Variants in SCFD2 observed in about 807,000 individuals in gnomAD.
SCFD2 encodes the protein sec1 family domain containing 2.
A neutral mutation model predicts 58.9 loss-of-function variants in SCFD2; 54 were observed. The observed-to-expected ratio is 0.92, with a 90% CI of 0.74 to 1.15. The LOEUF (loss-of-function observed/expected upper bound fraction) is 1.15. SCFD2 is among the 50% of genes most tolerant of loss of function. The pLI is 0.00. For synonymous variants in SCFD2, 321 were observed against 335.9 expected (o/e 0.96, Z 0.49); for missense variants, 805 against 836.6 (o/e 0.96, Z 0.47).
intron 7 of SCFD2, among the ~76,000 whole-genome samples, chr4:52,902,466 G>A (rs1243784973): frequency 6.6e-6 from 1 of 152,170 alleles, no homozygotes; most frequent in South Asian, 2.1e-4. Context: ...TCTTTGGGGG[G>A]CAGTGTATCT....
intron 8 of SCFD2, among the ~76,000 whole-genome samples, chr4:52,880,008 A>T (rs770579174): frequency 9.9e-5 from 15 of 152,222 alleles, no homozygotes; most frequent in Non-Finnish European, 1.5e-4. Flanking sequence ...GCACACGCAC[A>T]CATACACACA....
In SCFD2 at chr4:52,920,817, C is replaced by A; in HGVS notation, c.1615G>T (p.Glu539Ter). 1 of 1,610,834 alleles carries A rather than the reference C, an allele frequency of 6.2e-7. No homozygotes were observed. The highest frequency in any genetic ancestry group is 8.5e-7 in the Non-Finnish European group (1 of 1,177,472). ...TFHKSKIAVD[E>*]LFTSLRDIAG... ...ATATCCCGAAGTGAAGTAAAGAGTT[C>A]ATCCACGGCAATTTTGGATTTGTGA... Residue 539 changes from glutamate to a stop codon, truncating the protein, a stop_gained, in exon 6 of 9, where the codon GAA becomes TAA. Transcript: ENST00000401642. LOFTEE classifies it high-confidence loss of function.
At chr4:53,095,908 C>G (rs1476420418) in intron 5 of SCFD2, among the ~76,000 whole-genome samples, 1 of 152,054 alleles carries the variant, frequency 6.6e-6, no homozygotes, top group Non-Finnish European at 1.5e-5. Context: ...TGTGATGTTC[C>G]CCTTCCTGTG....
At chr4:53,227,037 T>C (rs559501834) in intron 4 of SCFD2, among the ~76,000 whole-genome samples, 20 of 152,324 alleles carry the variant, frequency 1.3e-4, no homozygotes, top group African/African-American at 4.6e-4. Flanking sequence ...TTTCCTGTCA[T>C]GCTGTCTTCC....
At position 53,351,180 on chromosome 4, in the gene SCFD2, T is replaced by C. The variant is rs371068761; in HGVS notation, c.1007+1418A>G. Among the ~76,000 whole-genome samples the C allele has an allele frequency of 5.3e-5, 8 of 152,364 alleles. No individual in the cohort carries two copies. The East Asian group carries it at 1.5e-3, about 29-fold the overall frequency. On this transcript the variant is annotated intron_variant, in intron 2 of 8. Coordinates refer to ENST00000401642, the MANE Select transcript of SCFD2 (RefSeq NM_152540.4). ...AACGTAAAATGCTTGGAAGTGTATCTAGCTCATCATAACTCCCAAAAAATG... is the reference window on the plus strand; with the variant it reads ...AACGTAAAATGCTTGGAAGTGTATCCAGCTCATCATAACTCCCAAAAAATG...
chr4:53,088,374 C>A (rs1403347440), intron 5 of SCFD2, among the ~76,000 whole-genome samples: 1 of 152,186 alleles, frequency 6.6e-6, no homozygotes, highest in Non-Finnish European at 1.5e-5. Context: ...TAAGCCCTGC[C>A]TGACAGAGCC....
At chr4:52,907,042 C>A (rs561749106) in intron 7 of SCFD2, among the ~76,000 whole-genome samples, 1 of 152,288 alleles carries the variant, frequency 6.6e-6, no homozygotes, top group Admixed American at 6.5e-5. Flanking sequence ...TGAGGTGATG[C>A]TAGCCATAGG....
intron 5 of SCFD2, chr4:52,948,187 T>A (rs1261262067): frequency 4.6e-6 from 1 of 216,180 alleles, no homozygotes; most frequent in Non-Finnish European, 9.4e-6. Context: ...TTAAACGAGA[T>A]AAAGGCTATT....
At chr4:53,084,704 G>A (rs111436028) in intron 5 of SCFD2, among the ~76,000 whole-genome samples, 1,835 of 152,254 alleles carry the variant, frequency 0.012, 38 homozygotes, top group African/African-American at 0.042. Flanking sequence ...ATGATCAAAT[G>A]GGATTTATCC....
chr4:53,255,839 G>T (rs1358984392), intron 4 of SCFD2, among the ~76,000 whole-genome samples: 15 of 149,116 alleles, frequency 1.0e-4, no homozygotes, highest in African/African-American at 2.7e-4. Context: ...GCCGGGCGGG[G>T]GGCTGACCCC....
chr4:53,326,158 T>C (rs1733190165), intron 2 of SCFD2, among the ~76,000 whole-genome samples: 1 of 151,832 alleles, frequency 6.6e-6, no homozygotes, highest in Admixed American at 6.5e-5. Flanking sequence ...TTTTATTTTA[T>C]TTGAGACAGG....
At chr4:53,163,616 G>T (rs151293187) in intron 4 of SCFD2, among the ~76,000 whole-genome samples, 1 of 152,210 alleles carries the variant, frequency 6.6e-6, no homozygotes, top group Admixed American at 6.5e-5. Flanking sequence ...ACCTGTAATC[G>T]CAGCTACTCA....
At chr4:53,198,042 G>A (rs978483254) in intron 4 of SCFD2, among the ~76,000 whole-genome samples, 2 of 151,918 alleles carry the variant, frequency 1.3e-5, no homozygotes, top group Non-Finnish European at 2.9e-5. Context: ...GGGAGTTTGC[G>A]GACAGGAAAA....
intron 3 of SCFD2, among the ~76,000 whole-genome samples, chr4:53,280,687 GTA>G (rs1403729456): frequency 2.0e-5 from 3 of 152,084 alleles, no homozygotes; most frequent in African/African-American, 4.8e-5. Context: ...ATAAACAGAT[GTA>G]TATGTTTTAA....
At chr4:53,104,290 C>T (rs1724922525) in intron 5 of SCFD2, among the ~76,000 whole-genome samples, 1 of 152,122 alleles carries the variant, frequency 6.6e-6, no homozygotes, top group Admixed American at 6.5e-5. Context: ...TGACACTTTA[C>T]CTCTGCAGTC....
At chr4:53,043,607 A>C (rs1333049567) in intron 5 of SCFD2, among the ~76,000 whole-genome samples, 1 of 152,192 alleles carries the variant, frequency 6.6e-6, no homozygotes, top group Non-Finnish European at 1.5e-5. Context: ...AGTGTGCTAA[A>C]AATCCTATCT....
chr4:52,940,140 G>C (rs1005037567), intron 5 of SCFD2, among the ~76,000 whole-genome samples: 1 of 152,228 alleles, frequency 6.6e-6, no homozygotes, highest in Non-Finnish European at 1.5e-5. Flanking sequence ...TGCCTGACCT[G>C]CGAGCTACTC....
chr4:53,015,548 G>A (rs752802725), intron 5 of SCFD2, among the ~76,000 whole-genome samples: 4 of 152,066 alleles, frequency 2.6e-5, no homozygotes, highest in African/African-American at 4.8e-5. Flanking sequence ...GTCATCAGGC[G>A]GTTCAGATAA....
intron 5 of SCFD2, among the ~76,000 whole-genome samples, chr4:53,081,320 C>A (rs530759181): frequency 6.6e-6 from 1 of 151,986 alleles, no homozygotes; most frequent in Non-Finnish European, 1.5e-5. Flanking sequence ...GGGAATATTG[C>A]GTGATGCTGA....
Sources: allele counts gnomAD v4.1 joint callset (sites outside exome capture counted in the v4.1 genomes callset), GRCh38; gene constraint gnomAD v4.1.1; transcripts MANE v1.5; gene names NCBI Gene and HGNC (gene_info 2026-07-23, HGNC 2026-07-21).